Variants in CXXC4 observed in about 807,000 individuals in gnomAD.
The protein encoded by CXXC4 is CXXC finger protein 4.
In CXXC4, 5 loss-of-function variants were observed where a neutral mutation model predicts 20.5. That is an observed-to-expected ratio of 0.24 (90% confidence interval 0.13 to 0.51). The LOEUF is 0.51. Ranked by LOEUF, CXXC4 falls within the 20% of genes least tolerant of loss-of-function variation. The pLI is 0.97. For missense variants in CXXC4, 419 were observed against 496.4 expected, an observed-to-expected ratio of 0.84 and a Z score of 1.48; for synonymous variants, 250 against 216.4, an observed-to-expected ratio of 1.16 and a Z score of -1.36.
chr4:104,485,808 T>A (rs1363013249), intron 2 of CXXC4, among the ~76,000 whole-genome samples: 1 of 152,124 alleles, frequency 6.6e-6, no homozygotes, highest in East Asian at 1.9e-4. Context: ...GGCTATTTTA[T>A]TAAATTGTTT....
chr4:104,486,206 A>G (rs1736689360), intron 2 of CXXC4, among the ~76,000 whole-genome samples: 1 of 152,150 alleles, frequency 6.6e-6, no homozygotes, highest in Non-Finnish European at 1.5e-5. Flanking sequence ...AGGAAGTATT[A>G]AAAATGTATG....
At chr4:104,494,578 C>G (rs1413256882) in intron 1 of CXXC4, 123 bp downstream of exon 1, 1 of 150,812 alleles carries the variant, frequency 6.6e-6, no homozygotes, top group African/African-American at 2.4e-5. Flanking sequence ...TTGCACATCA[C>G]CCCCTAACAC....
At position 104,491,032 on chromosome 4, in the gene CXXC4, A is replaced by T; in HGVS notation, c.771T>A (p.Leu257=). The T allele has an allele frequency of 6.2e-7, 1 of 1,613,960 alleles. No homozygotes were observed. The highest frequency in any genetic ancestry group is 8.5e-7 in the Non-Finnish European group (1 of 1,179,974). Residue 257 remains leucine (L), a synonymous_variant, in exon 2 of 3, where the codon CTT becomes CTA. Coordinates refer to ENST00000394767, the MANE Select transcript of CXXC4 (RefSeq NM_025212.4). The part of the protein sequence containing the change: ...LPPGVIVMTA[L]HSPAAASAAV... The stretch of plus-strand genomic sequence containing the variant: ...CTGCTGAGGCTGCTGCGGGGGAGTG[A>T]AGGGCTGTCATGACGATGACCCCTG...
intron 2 of CXXC4, among the ~76,000 whole-genome samples, chr4:104,485,298 T>C (rs1736658082): frequency 6.6e-6 from 1 of 152,082 alleles, no homozygotes; most frequent in African/African-American, 2.4e-5. Context: ...TTTCTCCAAT[T>C]TGTATATTTA....
rs568367499 is a variant in CXXC4, at chr4:104,472,509, G to T, written c.1060-143C>A. The stretch of plus-strand genomic sequence containing the variant: ...TGTATATTTCAACATTTAATAAAAA[G>T]AAGAAATGCTCAATCTTAGAACATG... On this transcript the variant is annotated intron_variant, in intron 2 of 2. Coordinates refer to ENST00000394767, the MANE Select transcript of CXXC4 (RefSeq NM_025212.4). The T allele has an allele frequency of 7.6e-4, 389 of 509,026 alleles. 1 individual carries two copies. Among genetic ancestry groups the T allele is most frequent in the African/African-American group, 7.2e-3 (362 of 50,128 alleles). 31.5% of individuals were successfully genotyped at this position (509,026 alleles called of 1,614,324 possible). A position where few individuals can be genotyped will look rare whatever the true frequency, so the allele number is the denominator to read the frequency against.
At chr4:104,486,207 A>T (rs974723450) in intron 2 of CXXC4, among the ~76,000 whole-genome samples, 1 of 152,118 alleles carries the variant, frequency 6.6e-6, no homozygotes, top group African/African-American at 2.4e-5. Context: ...GGAAGTATTA[A>T]AAATGTATGT....
intron 2 of CXXC4, among the ~76,000 whole-genome samples, chr4:104,487,022 C>A (rs1424689920): frequency 6.6e-6 from 1 of 152,118 alleles, no homozygotes; most frequent in African/African-American, 2.4e-5. Flanking sequence ...TTTCTGCCAA[C>A]CCCCTTAGAA....
At chr4:104,483,809 T>C (rs1578319603) in intron 2 of CXXC4, among the ~76,000 whole-genome samples, 1 of 151,858 alleles carries the variant, frequency 6.6e-6, no homozygotes, top group Admixed American at 6.6e-5. Context: ...TCTATCAAAA[T>C]ATATAAAAAT....
chr4:104,472,373 A>G lies in CXXC4; in HGVS notation c.1060-7T>C. On this transcript the variant is annotated splice_polypyrimidine_tract_variant and splice_region_variant and intron_variant, in intron 2 of 2. Transcript: ENST00000394767. ...CGCTGGGAACAGGTGTTCTCTATAA[A>G]AAAAGAGCAAGAAAACAAGTTAAGC... 6.3e-7 allele frequency: 1 copy of G among 1,597,292 alleles called. No homozygotes were observed. Among genetic ancestry groups the G allele is most frequent in the Non-Finnish European group, 8.5e-7 (1 of 1,170,608 alleles).
In CXXC4 at chr4:104,469,609, T is replaced by A. The variant is rs1301682801; in HGVS notation, c.*2713A>T. 1 of 151,984 alleles carries A rather than the reference T, an allele frequency of 6.6e-6. No homozygotes were observed. The highest frequency in any genetic ancestry group is 1.5e-5 in the Non-Finnish European group (1 of 67,966). The allele number at this position is 151,984 out of a possible 1,614,324, so 9.4% of individuals were successfully genotyped here. ...GGTTTATAATGATAAGCTTTAGAAGTTCTCAGTACAGGGACATATGAGGAA... is the reference window on the plus strand; with the variant it reads ...GGTTTATAATGATAAGCTTTAGAAGATCTCAGTACAGGGACATATGAGGAA... On this transcript the variant is annotated 3_prime_UTR_variant, in exon 3 of 3. Coordinates refer to ENST00000394767, the MANE Select transcript of CXXC4 (RefSeq NM_025212.4).
intron 1 of CXXC4, 169 bp downstream of exon 1, chr4:104,494,532 A>G (rs1736989752): frequency 6.6e-6 from 1 of 152,096 alleles, no homozygotes; most frequent in Admixed American, 6.5e-5. Flanking sequence ...GGGGAGCCTT[A>G]GAATTTGCAG....
At chr4:104,473,380 C>G (rs1736325374) in intron 2 of CXXC4, among the ~76,000 whole-genome samples, 1 of 151,786 alleles carries the variant, frequency 6.6e-6, no homozygotes, top group African/African-American at 2.4e-5. Flanking sequence ...ATCAAGCTAG[C>G]ACCAAAGTAT....
At chr4:104,476,917 C>A (rs1418886228) in intron 2 of CXXC4, among the ~76,000 whole-genome samples, 1 of 152,110 alleles carries the variant, frequency 6.6e-6, no homozygotes, top group East Asian at 1.9e-4. Flanking sequence ...TTCTTCCCAA[C>A]CAAACTTAAG....
chr4:104,491,043 T>C lies in CXXC4; in HGVS notation c.760A>G (p.Met254Val). ...GCTGCGGGGGAGTGAAGGGCTGTCA[T>C]GACGATGACCCCTGGAGGTAATGAG... Reference protein sequence around the residue: ...GISLPPGVIVMTALHSPAAAS... With the variant: ...GISLPPGVIVVTALHSPAAAS... Residue 254 changes from methionine (M) to valine (V), a missense_variant, in exon 2 of 3, where the codon ATG becomes GTG. Physicochemically the swap from Met to Val is conservative, Grantham distance 21 (BLOSUM62 1). Coordinates refer to ENST00000394767, the MANE Select transcript of CXXC4 (RefSeq NM_025212.4). The C allele has an allele frequency of 6.2e-7, 1 of 1,613,926 alleles. No homozygotes were observed. The highest frequency in any genetic ancestry group is 8.5e-7 in the Non-Finnish European group (1 of 1,179,976).
intron 2 of CXXC4, among the ~76,000 whole-genome samples, chr4:104,485,657 G>A (rs1349416780): frequency 2.0e-5 from 3 of 152,082 alleles, no homozygotes; most frequent in Admixed American, 6.6e-5. Context: ...CAGAAAGATA[G>A]TTTGTATTCA....
At chr4:104,486,425 C>A (rs1042796550) in intron 2 of CXXC4, among the ~76,000 whole-genome samples, 8 of 151,954 alleles carry the variant, frequency 5.3e-5, no homozygotes, top group Non-Finnish European at 1.0e-4. Context: ...ATTTTCCAAG[C>A]TTTTTCCTTA....
chr4:104,485,164 C>CT (rs1270938150), intron 2 of CXXC4, among the ~76,000 whole-genome samples: 1 of 152,000 alleles, frequency 6.6e-6, no homozygotes, highest in Non-Finnish European at 1.5e-5. Flanking sequence ...CTAAGATCAT[C>CT]TGACATTTTG....
At chr4:104,494,298 C>T (rs551078281) in intron 1 of CXXC4, among the ~76,000 whole-genome samples, 2 of 152,218 alleles carry the variant, frequency 1.3e-5, no homozygotes, top group East Asian at 1.9e-4. Flanking sequence ...ATGCCTAATA[C>T]TGTATGTCTG....
chr4:104,484,914 T>TG (rs1194409742), intron 2 of CXXC4, among the ~76,000 whole-genome samples: 1 of 151,968 alleles, frequency 6.6e-6, no homozygotes, highest in Non-Finnish European at 1.5e-5. Context: ...AAGATATGAC[T>TG]CAAGGATAAA....
Sources: allele counts gnomAD v4.1 joint callset (sites outside exome capture counted in the v4.1 genomes callset), GRCh38; gene constraint gnomAD v4.1.1; transcripts MANE v1.5; gene names NCBI Gene and HGNC (gene_info 2026-07-23, HGNC 2026-07-21).